The following UMAD1 variants were observed in gnomAD, a reference collection of about 807,000 sequenced individuals.
UMAD1 encodes the protein UBAP1-MVB12-associated (UMA) domain containing 1.
UMAD1 carries 8 observed loss-of-function variants against 6.1 expected under a neutral mutation model. That is an observed-to-expected ratio of 1.30 (90% CI 0.76 to 2.35). The LOEUF is 2.35. Among genes scored for constraint, UMAD1 ranks in the 30% most tolerant of loss-of-function variants. The pLI is 0.00. For synonymous variants in UMAD1, 56 were observed against 31.4 expected, an observed-to-expected ratio of 1.78 and a Z score of -2.61; for missense variants, 130 against 78.4, an observed-to-expected ratio of 1.66 and a Z score of -2.49.
At chr7:7,775,338 G>A (rs1005090433) in intron 2 of UMAD1, among the ~76,000 whole-genome samples, 3 of 152,220 alleles carry the variant, frequency 2.0e-5, no homozygotes, top group African/African-American at 4.8e-5. Context: ...GGGACCCAGT[G>A]GGAGGTAATT....
chr7:7,652,202 A>G (rs771903586), intron 1 of UMAD1, among the ~76,000 whole-genome samples: 3 of 152,164 alleles, frequency 2.0e-5, no homozygotes, highest in South Asian at 2.1e-4. Context: ...CCTGTTTTAC[A>G]TTGCTCGTTT....
chr7:7,764,873 T>G (rs762021598), intron 2 of UMAD1, among the ~76,000 whole-genome samples: 9 of 152,208 alleles, frequency 5.9e-5, no homozygotes, highest in Non-Finnish European at 1.3e-4. Context: ...AAAACTGGCC[T>G]GCTGTTTCTT....
intron 1 of UMAD1, among the ~76,000 whole-genome samples, chr7:7,649,646 C>T (rs1785178270): frequency 6.6e-6 from 1 of 151,842 alleles, no homozygotes; most frequent in Non-Finnish European, 1.5e-5. Context: ...TGTTATCAGT[C>T]TGTGTTAATT....
chr7:7,831,341 A>C (rs150817933), intron 3 of UMAD1, among the ~76,000 whole-genome samples: 1 of 152,218 alleles, frequency 6.6e-6, no homozygotes, highest in South Asian at 2.1e-4. Flanking sequence ...CATCATATCA[A>C]TTCTCTGTAC....
At position 7,757,072 on chromosome 7, in the gene UMAD1, CT is replaced by C. The variant is rs1262228197; in HGVS notation, c.83-44594del. ...CCTTTCTTTGAGACATGAGTTACTA[CT>C]TTTATTAACAGATGAATGATGTAAA... On this transcript the variant is annotated intron_variant, in intron 2 of 3. Coordinates refer to ENST00000682710, the MANE Select transcript of UMAD1 (RefSeq NM_001302348.2). Among the ~76,000 whole-genome samples, 4 of 152,284 alleles carry C rather than the reference CT, an allele frequency of 2.6e-5. No individual in the cohort carries two copies. The East Asian group carries it at 5.8e-4, about 22-fold the overall frequency.
At chr7:7,675,220 A>G (rs1779710064) in intron 2 of UMAD1, among the ~76,000 whole-genome samples, 1 of 152,230 alleles carries the variant, frequency 6.6e-6, no homozygotes, top group African/African-American at 2.4e-5. Context: ...GTTATCAAAT[A>G]GCCATTTAGA....
intron 1 of UMAD1, among the ~76,000 whole-genome samples, chr7:7,645,770 C>G (rs1287976899): frequency 2.0e-5 from 3 of 147,952 alleles, no homozygotes; most frequent in African/African-American, 7.5e-5. Context: ...GATATATTGT[C>G]TTTTATATAT....
chr7:7,784,317 A>G (rs1218805518), intron 2 of UMAD1, among the ~76,000 whole-genome samples: 1 of 148,148 alleles, frequency 6.8e-6, no homozygotes, highest in Non-Finnish European at 1.5e-5. Flanking sequence ...ATGACTTAAA[A>G]TTTTCTACTT....
At chr7:7,727,912 TTAA>T (rs1781171464) in intron 2 of UMAD1, among the ~76,000 whole-genome samples, 1 of 152,194 alleles carries the variant, frequency 6.6e-6, no homozygotes, top group African/African-American at 2.4e-5. Context: ...TTAATGCTCC[TTAA>T]TAAACTTTTT....
intron 2 of UMAD1, among the ~76,000 whole-genome samples, chr7:7,746,056 T>G (rs1781567219): frequency 6.6e-6 from 1 of 152,152 alleles, no homozygotes; most frequent in Non-Finnish European, 1.5e-5. Context: ...TTTCTGAAGG[T>G]CTTCTTTTCC....
At chr7:7,734,832 A>G (rs1371361366) in intron 2 of UMAD1, among the ~76,000 whole-genome samples, 8 of 152,166 alleles carry the variant, frequency 5.3e-5, no homozygotes, top group Admixed American at 1.3e-4. Context: ...TTTTTCATAC[A>G]TAAAACAATG....
At chr7:7,835,197 A>G (rs1783542744) in intron 3 of UMAD1, among the ~76,000 whole-genome samples, 1 of 152,100 alleles carries the variant, frequency 6.6e-6, no homozygotes, top group Admixed American at 6.5e-5. Context: ...TTGTAATTCT[A>G]TCATTTTCTG....
chr7:7,677,543 G>C (rs558054927), intron 2 of UMAD1, among the ~76,000 whole-genome samples: 73 of 151,810 alleles, frequency 4.8e-4, no homozygotes, highest in African/African-American at 1.6e-3. Context: ...CACTTTACAT[G>C]ATCTCCTCTA....
chr7:7,815,133 T>C (rs1174645268), intron 3 of UMAD1, among the ~76,000 whole-genome samples: 2 of 152,166 alleles, frequency 1.3e-5, no homozygotes, highest in South Asian at 4.1e-4. Context: ...TCGGGAGTGA[T>C]GGTTCCTCAC....
chr7:7,657,373 A>G (rs1785368591), intron 1 of UMAD1, among the ~76,000 whole-genome samples: 2 of 152,198 alleles, frequency 1.3e-5, no homozygotes, highest in Non-Finnish European at 2.9e-5. Flanking sequence ...TGTTTTAGTC[A>G]TGAAGTCTTT....
intron 1 of UMAD1, among the ~76,000 whole-genome samples, chr7:7,642,117 G>C (rs1013779275): frequency 6.6e-6 from 1 of 152,058 alleles, no homozygotes; most frequent in Non-Finnish European, 1.5e-5. Context: ...ATAGGGGAGA[G>C]TACACACATC....
chr7:7,654,995 A>G (rs1289440135), intron 1 of UMAD1, among the ~76,000 whole-genome samples: 2 of 151,996 alleles, frequency 1.3e-5, no homozygotes, highest in Admixed American at 6.6e-5. Context: ...TGCAGGACCT[A>G]TGGATCTGGT....
At chr7:7,709,641 G>C (rs1258832939) in intron 2 of UMAD1, among the ~76,000 whole-genome samples, 1 of 152,198 alleles carries the variant, frequency 6.6e-6, no homozygotes, top group African/African-American at 2.4e-5. Context: ...ACAAGGGTCT[G>C]TTTGGTATGT....
At chr7:7,695,203 T>C (rs1780280401) in intron 2 of UMAD1, among the ~76,000 whole-genome samples, 1 of 152,200 alleles carries the variant, frequency 6.6e-6, no homozygotes. Context: ...AAGCTCGCTG[T>C]TTCCAAGTAG....
Sources: gnomAD v4.1 joint callset for allele counts (sites outside exome capture counted in the v4.1 genomes callset) on GRCh38, gnomAD v4.1.1 for gene constraint, MANE v1.5 for transcripts, NCBI Gene and HGNC (gene_info 2026-07-23, HGNC 2026-07-21) for gene names.